The following PRELID2 variants were observed in gnomAD, a reference collection of about 807,000 sequenced individuals.
PRELID2 encodes PRELI domain containing 2.
Under a neutral mutation model 28.4 loss-of-function variants are expected in PRELID2, and 25 were observed. That is an observed-to-expected ratio of 0.88 (90% CI 0.64 to 1.23). PRELID2 has a LOEUF of 1.23. Among genes scored for constraint, PRELID2 ranks in the 50% most tolerant of loss-of-function variants. The pLI, the probability that PRELID2 is intolerant of heterozygous loss-of-function variation, is 0.00. For synonymous variants in PRELID2, 76 were observed against 71.6 expected, an observed-to-expected ratio of 1.06 and a Z score of -0.31; for missense variants, 201 against 214.4, an observed-to-expected ratio of 0.94 and a Z score of 0.39.
intron 1 of PRELID2, among the ~76,000 whole-genome samples, chr5:145,552,195 G>C (rs1161106394): frequency 6.6e-6 from 1 of 152,052 alleles, no homozygotes; most frequent in Non-Finnish European, 1.5e-5. Flanking sequence ...CATTTTCCCT[G>C]TCTTTTTGAT....
the PRELID2 span, among the ~76,000 whole-genome samples, chr5:145,288,432 A>G: frequency 6.6e-6 from 1 of 151,800 alleles, no homozygotes; most frequent in African/African-American, 2.4e-5. Flanking sequence ...CCATCACTGT[A>G]TTTTACTTTT....
the PRELID2 span, among the ~76,000 whole-genome samples, chr5:145,373,952 ATATGT>A: frequency 7.0e-6 from 1 of 142,972 alleles, no homozygotes; most frequent in Non-Finnish European, 1.5e-5. Context: ...ATATGATATT[ATATGT>A]TATAACATAT....
rs750723371 is a variant in PRELID2, at chr5:145,818,064, A to G, written c.208-10T>C. 6.2e-7 allele frequency: 1 copy of G among 1,610,790 alleles called. No individual in the cohort carries two copies. The highest frequency in any genetic ancestry group is 2.2e-5 in the East Asian group (1 of 44,608). On this transcript the variant is annotated splice_polypyrimidine_tract_variant and intron_variant, in intron 3 of 6. Transcript: ENST00000683046. ...CTTTCAAAATGCTCACCTGTCCAAC[A>G]GAAAGAAAATGGCTTTTTCAATTTA... is the stretch of plus-strand genomic sequence containing the variant.
At chr5:145,366,569 G>A in the PRELID2 span, among the ~76,000 whole-genome samples, 1 of 151,742 alleles carries the variant, frequency 6.6e-6, no homozygotes, top group East Asian at 1.9e-4. Context: ...AAATTACATC[G>A]GGTTGAAGTA....
chr5:145,456,645 A>T, the PRELID2 span, among the ~76,000 whole-genome samples: 2 of 151,942 alleles, frequency 1.3e-5, no homozygotes, highest in Admixed American at 1.3e-4. Flanking sequence ...TACCACCACC[A>T]CCTCTCCCCT....
At chr5:145,402,946 C>G in the PRELID2 span, among the ~76,000 whole-genome samples, 1 of 152,138 alleles carries the variant, frequency 6.6e-6, no homozygotes, top group African/African-American at 2.4e-5. Context: ...GGGGTTTTGT[C>G]AAAGGGAAAT....
Position 145,619,476 on chromosome 5 carries a change from C to G in PRELID2, n.70+145455G>C, listed in dbSNP as rs573380259. Among the ~76,000 whole-genome samples, 25 of 152,336 alleles carry G rather than the reference C, an allele frequency of 1.6e-4. No individual in the cohort carries two copies. The East Asian group carries it at 4.8e-3, about 29-fold the overall frequency. ...CCTGCAAACTAGACCTTCAGTTTCC[C>G]TAGCAGGAGTGTGTGCCTGGGGGCA... On this transcript the variant is annotated intron_variant and non_coding_transcript_variant, in intron 1 of 2. Coordinates refer to the PRELID2 transcript ENST00000510259.
At chr5:145,610,237 G>A (rs1561518835) in intron 1 of PRELID2, among the ~76,000 whole-genome samples, 1 of 152,126 alleles carries the variant, frequency 6.6e-6, no homozygotes, top group Non-Finnish European at 1.5e-5. Flanking sequence ...ACTGAGCCCA[G>A]ACAGGCTAGT....
At chr5:145,310,904 G>A in the PRELID2 span, among the ~76,000 whole-genome samples, 3 of 150,378 alleles carry the variant, frequency 2.0e-5, no homozygotes. Flanking sequence ...ATCTTCCCTT[G>A]AATATTTTTC....
At chr5:145,656,226 GGC>G (rs1754390985) in intron 1 of PRELID2, among the ~76,000 whole-genome samples, 1 of 152,170 alleles carries the variant, frequency 6.6e-6, no homozygotes, top group Non-Finnish European at 1.5e-5. Flanking sequence ...CAGTTAGAAT[GGC>G]GATCATTAAA....
intron 1 of PRELID2, among the ~76,000 whole-genome samples, chr5:145,740,321 A>ATATAT (rs1561566210): frequency 1.2e-5 from 1 of 86,410 alleles, no homozygotes; most frequent in African/African-American, 4.0e-5. Flanking sequence ...TATATATATA[A>ATATAT]ATCCTAAATG....
At chr5:145,681,264 T>G (rs948194751) in intron 1 of PRELID2, among the ~76,000 whole-genome samples, 1 of 152,210 alleles carries the variant, frequency 6.6e-6, no homozygotes, top group Non-Finnish European at 1.5e-5. Flanking sequence ...TCTACTGAGA[T>G]GGAAATTTTT....
chr5:145,782,777 C>T (rs1000954048), intron 5 of PRELID2, among the ~76,000 whole-genome samples: 2 of 152,212 alleles, frequency 1.3e-5, no homozygotes, highest in Non-Finnish European at 2.9e-5. Flanking sequence ...CCCTAGTTAG[C>T]TTAAACTACT....
intron 1 of PRELID2, among the ~76,000 whole-genome samples, chr5:145,501,626 C>T (rs553665599): frequency 6.6e-6 from 1 of 152,224 alleles, no homozygotes; most frequent in African/African-American, 2.4e-5. Context: ...TATCTTTTGC[C>T]TTCCACCATG....
At chr5:145,249,512 T>C in the PRELID2 span, among the ~76,000 whole-genome samples, 3 of 152,092 alleles carry the variant, frequency 2.0e-5, no homozygotes, top group Non-Finnish European at 4.4e-5. Flanking sequence ...AAAATACTTG[T>C]TTTTTTCTTT....
chr5:145,655,185 C>T (rs1754371558), intron 1 of PRELID2, among the ~76,000 whole-genome samples: 1 of 151,880 alleles, frequency 6.6e-6, no homozygotes. Context: ...AGGAATCCAA[C>T]TTACAAGGGA....
At chr5:145,333,072 C>T in the PRELID2 span, among the ~76,000 whole-genome samples, 1 of 152,214 alleles carries the variant, frequency 6.6e-6, no homozygotes, top group African/African-American at 2.4e-5. Context: ...ACTCCAGACA[C>T]TGTTTGCCTG....
At chr5:145,417,184 C>A in the PRELID2 span, among the ~76,000 whole-genome samples, 2 of 152,018 alleles carry the variant, frequency 1.3e-5, no homozygotes, top group African/African-American at 4.8e-5. Flanking sequence ...TACACCCTCC[C>A]AAGTCTGAAC....
At position 145,756,745 on chromosome 5, in the gene PRELID2, T is replaced by G. The variant is rs1757268543; in HGVS notation, c.*3791A>C. ...CTAGAACAGCCTCTCAAAACCTCATTCAAATCCTCTCTACTCTTATTCAAC... is the reference window on the plus strand; with the variant it reads ...CTAGAACAGCCTCTCAAAACCTCATGCAAATCCTCTCTACTCTTATTCAAC... On this transcript the variant is annotated 3_prime_UTR_variant, in exon 7 of 7. Coordinates refer to ENST00000683046, the MANE Select transcript of PRELID2 (RefSeq NM_205846.3). Among the ~76,000 whole-genome samples, 1 of 152,182 alleles carries G rather than the reference T, an allele frequency of 6.6e-6. No homozygotes were observed. The highest frequency in any genetic ancestry group is 6.5e-5 in the Admixed American group (1 of 15,278).
Sources: gnomAD v4.1 joint callset for allele counts (sites outside exome capture counted in the v4.1 genomes callset) on GRCh38, gnomAD v4.1.1 for gene constraint, MANE v1.5 for transcripts, NCBI Gene and HGNC (gene_info 2026-07-23, HGNC 2026-07-21) for gene names.